RALGAPA1: variants seen among roughly 807,000 people sequenced by gnomAD.
The protein encoded by RALGAPA1 is Ral GTPase activating protein catalytic subunit alpha 1, also known as ral GTPase-activating protein subunit alpha-1.
In RALGAPA1, 52 loss-of-function variants were observed where a neutral mutation model predicts 269.6. The ratio of observed to expected loss-of-function variants is 0.19; its 90% confidence interval spans 0.15 to 0.24. The LOEUF (loss-of-function observed/expected upper bound fraction) is 0.24, where lower values mean the gene tolerates loss of function less well. Among genes scored for constraint, RALGAPA1 ranks in the 10% least tolerant of loss-of-function variants. The probability of loss-of-function intolerance (pLI) is 1.00; values close to 1 mark genes in which losing one functional copy is unlikely to be tolerated. For synonymous variants in RALGAPA1, 817 were observed against 1,008.3 expected (o/e 0.81, Z 3.60); for missense variants, 1,917 against 3,013.9 (o/e 0.64, Z 8.52).
At chr14:35,770,325 G>A (rs1275830955) in intron 4 of RALGAPA1, among the ~76,000 whole-genome samples, 1 of 152,034 alleles carries the variant, frequency 6.6e-6, no homozygotes, top group African/African-American at 2.4e-5. Flanking sequence ...TAATGGTGAA[G>A]ACTGACCATT....
At chr14:35,751,893 T>A in intron 8 of RALGAPA1, 131 bp downstream of exon 8, 1 of 1,211,394 alleles carries the variant, frequency 8.3e-7, no homozygotes, top group Non-Finnish European at 1.1e-6. Flanking sequence ...TGAATCTAGG[T>A]ATCATATCTA....
intron 16 of RALGAPA1, among the ~76,000 whole-genome samples, chr14:35,704,461 C>A (rs1273239139): frequency 6.6e-6 from 1 of 151,998 alleles, no homozygotes; most frequent in Non-Finnish European, 1.5e-5. Context: ...CAGGTAAGTT[C>A]CCTTTCTGTT....
chr14:35,750,729 A>C, intron 8 of RALGAPA1, 39 bp from the exon 9 acceptor site: 1 of 1,496,888 alleles, frequency 6.7e-7, no homozygotes, highest in Non-Finnish European at 9.1e-7. Context: ...CAAAATAAGA[A>C]AGAAATTATG....
At chr14:35,565,240 T>C (rs980121891) in intron 39 of RALGAPA1, among the ~76,000 whole-genome samples, 3 of 151,294 alleles carry the variant, frequency 2.0e-5, no homozygotes, top group African/African-American at 7.3e-5. Context: ...ACAGGATATG[T>C]TGGTTAATTT....
intron 1 of RALGAPA1, among the ~76,000 whole-genome samples, chr14:35,805,737 T>C (rs1595625841): frequency 6.7e-6 from 1 of 149,966 alleles, no homozygotes. Context: ...CAGGCTGGAG[T>C]GCAGTAGCGT....
chr14:35,542,010 T>G (rs998535993), intron 41 of RALGAPA1: 41 of 1,253,684 alleles, frequency 3.3e-5, no homozygotes, highest in Middle Eastern at 2.2e-4. Context: ...CTTTGTAAAT[T>G]CAAATGTTAT....
chr14:35,741,575 C>T (rs2071558590), intron 11 of RALGAPA1, among the ~76,000 whole-genome samples: 1 of 152,098 alleles, frequency 6.6e-6, no homozygotes, highest in African/African-American at 2.4e-5. Context: ...GTTAGATTAA[C>T]CACTAAAGTG....
At chr14:35,698,039 T>C (rs1312865826) in intron 17 of RALGAPA1, among the ~76,000 whole-genome samples, 1 of 152,234 alleles carries the variant, frequency 6.6e-6, no homozygotes, top group African/African-American at 2.4e-5. Context: ...ATCCATGTTT[T>C]CTAAAATGAA....
intron 12 of RALGAPA1, among the ~76,000 whole-genome samples, chr14:35,735,888 T>C (rs2070945008): frequency 6.6e-6 from 1 of 152,178 alleles, no homozygotes; most frequent in Non-Finnish European, 1.5e-5. Context: ...CCCTAGTCTA[T>C]GCACCACACT....
At chr14:35,776,536 G>T (rs931689582) in intron 1 of RALGAPA1, among the ~76,000 whole-genome samples, 1 of 152,156 alleles carries the variant, frequency 6.6e-6, no homozygotes, top group South Asian at 2.1e-4. Context: ...TAAGAGCAGG[G>T]CATGCAAAAT....
chr14:35,763,483 AAAAAT>A (rs1400423882), intron 4 of RALGAPA1, among the ~76,000 whole-genome samples: 4 of 152,132 alleles, frequency 2.6e-5, no homozygotes, highest in African/African-American at 9.6e-5. Context: ...TAAATCCATA[AAAAAT>A]AATATAAACT....
intron 31 of RALGAPA1, among the ~76,000 whole-genome samples, chr14:35,643,183 G>C (rs1021322374): frequency 6.6e-6 from 1 of 151,988 alleles, no homozygotes; most frequent in Non-Finnish European, 1.5e-5. Context: ...GGCCTTTCGA[G>C]GGGTGGGGGG....
chr14:35,598,579 C>T (rs2059072343), intron 36 of RALGAPA1, among the ~76,000 whole-genome samples: 1 of 152,038 alleles, frequency 6.6e-6, no homozygotes, highest in African/African-American at 2.4e-5. Flanking sequence ...GCCACCACGC[C>T]CGGCTAATTT....
chr14:35,645,487 T>C (rs141483457), intron 31 of RALGAPA1, among the ~76,000 whole-genome samples: 35 of 151,568 alleles, frequency 2.3e-4, no homozygotes, highest in Non-Finnish European at 2.9e-5. Context: ...TCCCACCACT[T>C]TGGGAGGCTG....
chr14:35,559,521 G>A (rs773356707), intron 39 of RALGAPA1, among the ~76,000 whole-genome samples: 6 of 152,076 alleles, frequency 3.9e-5, no homozygotes, highest in African/African-American at 9.7e-5. Context: ...CCCTATTCCA[G>A]CACAGGTGAG....
intron 4 of RALGAPA1, among the ~76,000 whole-genome samples, chr14:35,764,874 C>T (rs893201432): frequency 2.0e-5 from 3 of 152,010 alleles, no homozygotes; most frequent in African/African-American, 7.2e-5. Context: ...AATCAATTTG[C>T]CAGTGTTTTT....
At chr14:35,719,797 TCTGTCGCTCC>T (rs2069209646) in intron 16 of RALGAPA1, among the ~76,000 whole-genome samples, 1 of 133,074 alleles carries the variant, frequency 7.5e-6, no homozygotes, top group Non-Finnish European at 1.5e-5. Flanking sequence ...TGTCGCTCCC[TCTGTCGCTCC>T]AGGCTTGATC....
At chr14:35,739,559 C>G (rs1457850793) in intron 11 of RALGAPA1, among the ~76,000 whole-genome samples, 1 of 152,144 alleles carries the variant, frequency 6.6e-6, no homozygotes, top group Admixed American at 6.5e-5. Context: ...CCTGCCAACC[C>G]AATCCCTCCA....
At chr14:35,755,274 G>A (rs976300170) in intron 7 of RALGAPA1, among the ~76,000 whole-genome samples, 1 of 152,060 alleles carries the variant, frequency 6.6e-6, no homozygotes, top group African/African-American at 2.4e-5. Flanking sequence ...GATCACTTGG[G>A]CCCAGGAGGT....
Sources: gnomAD v4.1 joint callset for allele counts (sites outside exome capture counted in the v4.1 genomes callset) on GRCh38, gnomAD v4.1.1 for gene constraint, MANE v1.5 for transcripts, NCBI Gene and HGNC (gene_info 2026-07-23, HGNC 2026-07-21) for gene names.